The following TMCO2 variants were observed in gnomAD, a reference collection of about 807,000 sequenced individuals.
The protein encoded by TMCO2 is transmembrane and coiled-coil domain-containing protein 2.
In TMCO2, 15 loss-of-function variants were observed where a neutral mutation model predicts 18.0. The ratio of observed to expected loss-of-function variants is 0.84; its 90% CI spans 0.56 to 1.29. The LOEUF is 1.29. TMCO2 is among the 50% of genes most tolerant of loss of function. The probability of loss-of-function intolerance (pLI) is 0.00; values close to 1 mark genes in which losing one functional copy is unlikely to be tolerated. For synonymous variants in TMCO2, 79 were observed against 75.9 expected (o/e 1.04, Z -0.21); for missense variants, 182 against 200.9 (o/e 0.91, Z 0.57).
chr1:40,248,676 G>A (rs546643973), intron 1 of TMCO2, among the ~76,000 whole-genome samples: 1 of 152,144 alleles, frequency 6.6e-6, no homozygotes, highest in Non-Finnish European at 1.5e-5. Flanking sequence ...ACAAGATAAG[G>A]CTCCATAAGT....
chr1:40,251,645 T>A lies in TMCO2; in HGVS notation c.*51T>A, dbSNP rs878897803. 1 of 1,548,834 alleles carries A rather than the reference T, an allele frequency of 6.5e-7. No homozygotes were observed. Among genetic ancestry groups the A allele is most frequent in the Admixed American group, 2.1e-5 (1 of 47,414 alleles). Reference sequence around the variant, plus strand: ...AGGAAAGCACTGTTTCCCTCATGTGTGCAGTGGTGTATCAATAAAGATAGA... The same window carrying A: ...AGGAAAGCACTGTTTCCCTCATGTGAGCAGTGGTGTATCAATAAAGATAGA... On this transcript the variant is annotated 3_prime_UTR_variant, in exon 2 of 2. Transcript: ENST00000372766.
Position 40,251,441 on chromosome 1 carries a change from A to T in TMCO2, c.396A>T (p.Lys132Asn). 6.2e-7 allele frequency: 1 copy of T among 1,613,744 alleles called. No homozygotes were observed. Among genetic ancestry groups the T allele is most frequent in the Non-Finnish European group, 8.5e-7 (1 of 1,179,940 alleles). The change falls in exon 2 of 2, where the codon AAA becomes AAT. Residue 132 changes from lysine (K) to asparagine (N), a missense_variant. Transcript: ENST00000372766. Reference protein sequence around the residue: ...SLGLQEKILKKLKTVENKMKN... With the variant: ...SLGLQEKILKNLKTVENKMKN... ...GTCTGCAAGAGAAAATTTTGAAAAA[A>T]CTTAAGACAGTGGAAAACAAAATGA...
chr1:40,250,471 A>G (rs1273199010), intron 1 of TMCO2, among the ~76,000 whole-genome samples: 1 of 152,006 alleles, frequency 6.6e-6, no homozygotes, highest in East Asian at 1.9e-4. Flanking sequence ...AGCTGGGACT[A>G]TATGTGTGTG....
Position 40,251,272 on chromosome 1 carries a change from T to G in TMCO2, c.238-11T>G. 1 of 1,603,824 alleles carries G rather than the reference T, an allele frequency of 6.2e-7. No individual in the cohort carries two copies. Among genetic ancestry groups the G allele is most frequent in the Non-Finnish European group, 8.5e-7 (1 of 1,177,240 alleles). The stretch of plus-strand genomic sequence containing the variant: ...AGCAACTAACACTCAACTTCTGTTG[T>G]TCCATTTTAGAAAACATTGTTGTTT... On this transcript the variant is annotated splice_polypyrimidine_tract_variant and intron_variant, in intron 1 of 1. Coordinates refer to ENST00000372766, the MANE Select transcript of TMCO2 (RefSeq NM_001008740.4).
intron 1 of TMCO2, among the ~76,000 whole-genome samples, chr1:40,249,574 C>CAA (rs1370369819): frequency 2.4e-5 from 3 of 125,524 alleles, no homozygotes. Flanking sequence ...GACTGTGTCT[C>CAA]AAAAAAAAAA....
chr1:40,248,221 G>A lies in TMCO2; in HGVS notation c.228G>A (p.Gln76=), dbSNP rs758860449. The A allele has an allele frequency of 6.2e-7, 1 of 1,608,994 alleles. No individual in the cohort carries two copies. The highest frequency in any genetic ancestry group is 8.5e-7 in the Non-Finnish European group (1 of 1,175,636). Residue 76 remains glutamine, a synonymous_variant, in exon 1 of 2, where the codon CAG becomes CAA. Coordinates refer to ENST00000372766, the MANE Select transcript of TMCO2 (RefSeq NM_001008740.4). ...ATGCCTTATGGAAACGAAGTATTCA[G>A]TCAATTCAGGTTATACTCTTTTGTT... is the stretch of plus-strand genomic sequence containing the variant. ...GIYALWKRSI[Q]SIQKTLLFVI... is the part of the protein sequence containing the mutation.
Position 40,248,239 on chromosome 1 carries a change from C to A in TMCO2, c.237+9C>A. ...GTATTCAGTCAATTCAGGTTATACTCTTTTGTTACAAACATTTATATAGTT... is the reference window on the plus strand; with the variant it reads ...GTATTCAGTCAATTCAGGTTATACTATTTTGTTACAAACATTTATATAGTT... On this transcript the variant is annotated intron_variant, in intron 1 of 1. Coordinates refer to ENST00000372766, the MANE Select transcript of TMCO2 (RefSeq NM_001008740.4). 6.3e-7 allele frequency: 1 copy of A among 1,591,426 alleles called. No individual in the cohort carries two copies. The highest frequency in any genetic ancestry group is 1.1e-5 in the South Asian group (1 of 90,262).
At chr1:40,251,260 C>T (rs1643381280) in intron 1 of TMCO2, 23 bp from the exon 2 acceptor site, 1 of 1,593,724 alleles carries the variant, frequency 6.3e-7, no homozygotes, top group African/African-American at 1.4e-5. Context: ...AACTAACACT[C>T]AACTTCTGTT....
At chr1:40,251,258 C>G in intron 1 of TMCO2, 25 bp from the exon 2 acceptor site, 1 of 1,591,422 alleles carries the variant, frequency 6.3e-7, no homozygotes, top group Non-Finnish European at 8.5e-7. Context: ...GCAACTAACA[C>G]TCAACTTCTG....
chr1:40,248,416 C>T (rs1454583642), intron 1 of TMCO2, among the ~76,000 whole-genome samples, 186 bp downstream of exon 1: 1 of 152,154 alleles, frequency 6.6e-6, no homozygotes, highest in East Asian at 1.9e-4. Context: ...CATAAAAATG[C>T]TTTTCTCACA....
In TMCO2 at chr1:40,248,170, C is replaced by G; in HGVS notation, c.177C>G (p.Phe59Leu). 1 of 1,614,028 alleles carries G rather than the reference C, an allele frequency of 6.2e-7. No individual in the cohort carries two copies. The highest frequency in any genetic ancestry group is 1.1e-5 in the South Asian group (1 of 91,078). ...PAVQIILRIS[F>L]LILLGIGIYA... is the part of the protein sequence containing the mutation. ...TGCAAATCATCTTGAGGATTTCTTT[C>G]TTGATTTTATTGGGAATAGGAATAT... The change falls in exon 1 of 2, where the codon TTC becomes TTG. Residue 59 changes from phenylalanine (F) to leucine (L), a missense_variant. By Grantham distance (22) the Phe-to-Leu change is conservative (BLOSUM62 0). Transcript: ENST00000372766.
Position 40,251,501 on chromosome 1 carries a change from TG to T in TMCO2, c.457del (p.Ala153ProfsTer33). The T allele has an allele frequency of 6.2e-7, 1 of 1,613,984 alleles. No homozygotes were observed. ...LEGIIVAQKPATKRDCSSEPY... is the reference protein window; with the variant it reads ...LEGIIVAQKPXTKRDCSSEPY... ...AAGGGATAATCGTTGCTCAAAAACC[TG>T]CCACGAAGAGGGATTGCTCCTCTGA... On this transcript the variant is annotated frameshift_variant, in exon 2 of 2. Coordinates refer to ENST00000372766, the MANE Select transcript of TMCO2 (RefSeq NM_001008740.4). LOFTEE classifies it high-confidence loss of function.
Position 40,251,656 on chromosome 1 carries a change from A to G in TMCO2, c.*62A>G. The G allele has an allele frequency of 1.3e-6, 2 of 1,521,244 alleles. No homozygotes were observed. Among genetic ancestry groups the G allele is most frequent in the Non-Finnish European group, 1.8e-6 (2 of 1,120,918 alleles). The allele number at this position is 1,521,244 out of a possible 1,614,324, so 94.2% of individuals were successfully genotyped here. On this transcript the variant is annotated 3_prime_UTR_variant, in exon 2 of 2. Transcript: ENST00000372766. ...GTTTCCCTCATGTGTGCAGTGGTGT[A>G]TCAATAAAGATAGAGAACGCTATTG...
intron 1 of TMCO2, among the ~76,000 whole-genome samples, 166 bp from the exon 2 acceptor site, chr1:40,251,117 A>G (rs1476462324): frequency 2.1e-5 from 3 of 143,420 alleles, no homozygotes; most frequent in Non-Finnish European, 4.5e-5. Context: ...AGCCTGGGTG[A>G]CAGAGTGAAA....
chr1:40,251,676 C>T lies in TMCO2; in HGVS notation c.*82C>T, dbSNP rs917781075. 1.4e-6 allele frequency: 2 copies of T among 1,443,034 alleles called. No homozygotes were observed. Among genetic ancestry groups the T allele is most frequent in the African/African-American group, 2.9e-5 (2 of 69,902 alleles). 89.4% of individuals were successfully genotyped at this position (1,443,034 alleles called of 1,614,324 possible). On this transcript the variant is annotated 3_prime_UTR_variant, in exon 2 of 2. Transcript: ENST00000372766. ...GGTGTATCAATAAAGATAGAGAACGCTATTGAAATTACCGTGCAAAGACTA... is the reference window on the plus strand; with the variant it reads ...GGTGTATCAATAAAGATAGAGAACGTTATTGAAATTACCGTGCAAAGACTA...
chr1:40,251,034 G>A lies in TMCO2; in HGVS notation c.238-249G>A, dbSNP rs188425898. 2.3e-4 allele frequency among the ~76,000 whole-genome samples: 35 copies of A among 151,884 alleles called. No individual in the cohort carries two copies. The East Asian group carries it at 6.0e-3, about 26-fold the overall frequency. On this transcript the variant is annotated intron_variant, in intron 1 of 1. Coordinates refer to ENST00000372766, the MANE Select transcript of TMCO2 (RefSeq NM_001008740.4). ...CGCCTGTAGTCCCAACTACTCAGGA[G>A]GCTGAGGCAGGAGAATGGCGTGAAC...
chr1:40,250,771 A>C (rs1643375900), intron 1 of TMCO2, among the ~76,000 whole-genome samples: 1 of 152,230 alleles, frequency 6.6e-6, no homozygotes, highest in Non-Finnish European at 1.5e-5. Context: ...GATTAAATGC[A>C]AATAATAATC....
intron 1 of TMCO2, 125 bp downstream of exon 1, chr1:40,248,355 G>A (rs1557768020): frequency 2.5e-6 from 2 of 798,772 alleles, no homozygotes; most frequent in East Asian, 2.7e-5. Context: ...TGTCTCTTAA[G>A]TTGGCAAAAA....
chr1:40,250,906 G>A (rs577179535), intron 1 of TMCO2, among the ~76,000 whole-genome samples: 4 of 152,310 alleles, frequency 2.6e-5, no homozygotes, highest in South Asian at 4.1e-4. Flanking sequence ...GGGAGGCCAC[G>A]ATGGGCGGAT....
Sources: allele counts gnomAD v4.1 joint callset (sites outside exome capture counted in the v4.1 genomes callset), GRCh38; gene constraint gnomAD v4.1.1; transcripts MANE v1.5; gene names NCBI Gene and HGNC (gene_info 2026-07-23, HGNC 2026-07-21).